Variants in LIPA observed in about 807,000 individuals in gnomAD.
The protein encoded by LIPA is lysosomal acid lipase/cholesteryl ester hydrolase.
Under a neutral mutation model 40.6 loss-of-function variants are expected in LIPA, and 26 were observed. The ratio of observed to expected loss-of-function variants is 0.64; its 90% CI spans 0.47 to 0.89. The LOEUF is 0.89. LIPA is among the 40% of genes least tolerant of loss of function. The pLI is 0.00. For missense variants in LIPA, 455 were observed against 479.6 expected, an observed-to-expected ratio of 0.95 and a Z score of 0.48; for synonymous variants, 188 against 168.4, an observed-to-expected ratio of 1.12 and a Z score of -0.90.
At chr10:89,290,669 C>A (rs1213219961) in intron 1 of LIPA, among the ~76,000 whole-genome samples, 6 of 152,202 alleles carry the variant, frequency 3.9e-5, no homozygotes, top group African/African-American at 7.2e-5. Flanking sequence ...CATCCTAGCT[C>A]AAAAGCTCCC....
chr10:89,256,018 A>T (rs1174235094), upstream of LIPA, among the ~76,000 whole-genome samples: 1 of 152,192 alleles, frequency 6.6e-6, no homozygotes, highest in African/African-American at 2.4e-5. Context: ...TCTGTCAGAG[A>T]CACTACTCAT....
intron 2 of LIPA, among the ~76,000 whole-genome samples, chr10:89,363,694 G>A (rs1272227705): frequency 4.1e-5 from 6 of 145,368 alleles, no homozygotes; most frequent in South Asian, 2.2e-4. Context: ...GGAGAATGGC[G>A]TGAACCCGAG....
chr10:89,258,584 T>G (rs1219321640), intron 1 of LIPA, among the ~76,000 whole-genome samples: 1 of 152,190 alleles, frequency 6.6e-6, no homozygotes, highest in East Asian at 1.9e-4. Flanking sequence ...TGTGAACCCT[T>G]GCACACTGCT....
chr10:89,334,769 G>T (rs941886120), intron 1 of LIPA, among the ~76,000 whole-genome samples: 1 of 151,884 alleles, frequency 6.6e-6, no homozygotes, highest in East Asian at 1.9e-4. Context: ...GGGATTACAG[G>T]TGTGAGCCAC....
intron 2 of LIPA, chr10:89,362,974 C>T (rs770126285): frequency 3.8e-6 from 1 of 263,470 alleles, no homozygotes. Flanking sequence ...GTTATCCTTG[C>T]CCTGAAGCTT....
chr10:89,222,560 G>A lies in LIPA; in HGVS notation c.845C>T (p.Thr282Ile). ...LNMSRVDVYT[T>I]HSPAGTSVQN... The stretch of plus-strand genomic sequence containing the variant: ...CACAGAAGTTCCAGCAGGAGAATGT[G>A]TTGTATATACATCCACTCTAGACTG... The change falls in exon 8 of 10, where the codon ACA becomes ATA. Residue 282 changes from threonine (T) to isoleucine (I), a missense_variant. By Grantham distance (89) the Thr-to-Ile change is moderately conservative (BLOSUM62 -1). Coordinates refer to ENST00000336233, the MANE Select transcript of LIPA (RefSeq NM_000235.4). 1 of 1,606,064 alleles carries A rather than the reference G, an allele frequency of 6.2e-7. No homozygotes were observed.
intron 3 of LIPA, among the ~76,000 whole-genome samples, chr10:89,241,559 CA>C (rs5786864): frequency 4.3e-4 from 65 of 152,230 alleles, no homozygotes; most frequent in African/African-American, 1.5e-3. Flanking sequence ...ACAATCAAAG[CA>C]AAATACAAGC....
chr10:89,246,254 G>C (rs1843023766), intron 2 of LIPA, among the ~76,000 whole-genome samples: 1 of 152,056 alleles, frequency 6.6e-6, no homozygotes. Context: ...TAATTACATA[G>C]AATGTCAAGG....
rs547527009 is a variant in LIPA, at chr10:89,228,387, C to G, written c.241G>C (p.Val81Leu). ...KNHSDKGPKP[V>L]VFLQHGLLAD... ...AGCAAGCCATGTTGCAGGAAGACAACTGGTTTGGGACCTGAAAAACATTCA... is the reference window on the plus strand; with the variant it reads ...AGCAAGCCATGTTGCAGGAAGACAAGTGGTTTGGGACCTGAAAAACATTCA... Residue 81 changes from valine to leucine, a missense_variant, in exon 4 of 10, where the codon GTT (valine) becomes CTT (leucine). Coordinates refer to ENST00000336233, the MANE Select transcript of LIPA (RefSeq NM_000235.4). 1 of 1,614,224 alleles carries G rather than the reference C, an allele frequency of 6.2e-7. No homozygotes were observed. The highest frequency in any genetic ancestry group is 1.7e-5 in the Admixed American group (1 of 60,022).
intron 2 of LIPA, among the ~76,000 whole-genome samples, chr10:89,397,682 T>TG (rs1453292255): frequency 1.4e-5 from 1 of 68,970 alleles, no homozygotes; most frequent in East Asian, 1.3e-3. Context: ...ATCCAGAGCA[T>TG]TTTTTTTCAT....
intron 1 of LIPA, among the ~76,000 whole-genome samples, chr10:89,335,685 T>TAG (rs34508919): frequency 0.96 from 146,280 of 152,130 alleles, 70,373 homozygotes; most frequent in East Asian, 1. Context: ...TATTAATTAC[T>TAG]AGTGTTCAGC....
chr10:89,392,660 A>G, intron 2 of LIPA: 3 of 1,603,234 alleles, frequency 1.9e-6, no homozygotes, highest in Non-Finnish European at 2.6e-6. Context: ...CAGATCTCAG[A>G]GGAGCCTGGC....
Position 89,349,867 on chromosome 10 carries a change from C to T in LIPA, c.61+62924G>A, listed in dbSNP as rs1303529551. ...AAAGGGAATTGAAAAAAAGCAGACGCAGGATGAGTTGTCTGCCCTACTTCT... is the reference window on the plus strand; with the variant it reads ...AAAGGGAATTGAAAAAAAGCAGACGTAGGATGAGTTGTCTGCCCTACTTCT... On this transcript the variant is annotated intron_variant, in intron 2 of 8. Coordinates refer to the LIPA transcript ENST00000371837. Among the ~76,000 whole-genome samples, 6 of 152,172 alleles carry T rather than the reference C, an allele frequency of 3.9e-5. No individual in the cohort carries two copies. The East Asian group carries it at 1.2e-3, about 29-fold the overall frequency.
intron 3 of LIPA, among the ~76,000 whole-genome samples, chr10:89,244,743 G>GA (rs1178426706): frequency 6.6e-6 from 1 of 151,292 alleles, no homozygotes. Flanking sequence ...ATGAGAGAGA[G>GA]AAAAAAGATA....
At chr10:89,371,338 AT>A (rs1844090298) in intron 2 of LIPA, among the ~76,000 whole-genome samples, 1 of 152,190 alleles carries the variant, frequency 6.6e-6, no homozygotes, top group African/African-American at 2.4e-5. Context: ...AATCTTGATA[AT>A]TCCATGACTC....
At chr10:89,216,395 CTACATATATATA>C (rs1191861892) in intron 8 of LIPA, among the ~76,000 whole-genome samples, 2 of 141,468 alleles carry the variant, frequency 1.4e-5, no homozygotes, top group Non-Finnish European at 3.0e-5. Context: ...AGATAGGTAG[CTACATATATATA>C]TACATATATA....
chr10:89,412,660 C>T (rs1483539657), intron 2 of LIPA: 3 of 375,056 alleles, frequency 8.0e-6, no homozygotes, highest in African/African-American at 6.5e-5. Flanking sequence ...CGGCTTTACT[C>T]CTGAAGTCAG....
chr10:89,293,678 A>ACGAGAGAGAGAGAGAGAGAGAGAGAG lies in LIPA; in HGVS notation c.-1-46030_-1-46029insCTCTCTCTCTCTCTCTCTCTCTCTCG, dbSNP rs563646884. 4.8e-5 allele frequency: 6 copies of ACGAGAGAGAGAGAGAGAGAGAGAGAG among 126,268 alleles called. 1 individual carries two copies. The highest frequency in any genetic ancestry group is 9.6e-5 in the Non-Finnish European group (6 of 62,510). The allele number at this position is 126,268 out of a possible 1,614,324, so 7.8% of individuals were successfully genotyped here. On this transcript the variant is annotated intron_variant, in intron 1 of 5. Transcript: ENST00000282673. ...TCACATGGCCTTTCCTCTGTGTGAG[A>ACGAGAGAGAGAGAGAGAGAGAGAGAG]TGAGAGAGAGAGAGAGAGAGAGAGA...
At chr10:89,217,749 C>T (rs1430174752) in intron 8 of LIPA, among the ~76,000 whole-genome samples, 1 of 152,234 alleles carries the variant, frequency 6.6e-6, no homozygotes, top group Non-Finnish European at 1.5e-5. Context: ...TATCATCTCG[C>T]TCTGTGTTTT....
Sources: allele counts gnomAD v4.1 joint callset (sites outside exome capture counted in the v4.1 genomes callset), GRCh38; gene constraint gnomAD v4.1.1; transcripts MANE v1.5; gene names NCBI Gene and HGNC (gene_info 2026-07-23, HGNC 2026-07-21).